Variants in SHF observed in about 807,000 individuals in gnomAD.
The protein encoded by SHF is Src homology 2 domain containing F.
A neutral mutation model predicts 42.4 loss-of-function variants in SHF; 30 were observed. The observed-to-expected ratio is 0.71, with a 90% CI of 0.53 to 0.96. SHF has a LOEUF of 0.96. Ranked by LOEUF, SHF falls within the 40% of genes least tolerant of loss-of-function variation. SHF has a pLI of 0.00. For missense variants in SHF, 598 were observed against 634.0 expected, an observed-to-expected ratio of 0.94 and a Z score of 0.61; for synonymous variants, 264 against 269.9, an observed-to-expected ratio of 0.98 and a Z score of 0.21.
chr15:45,172,373 C>T, intron 4 of SHF, 55 bp from the exon 5 acceptor site: 1 of 1,493,450 alleles, frequency 6.7e-7, no homozygotes, highest in Non-Finnish European at 8.9e-7. Context: ...CCTCAGAGGT[C>T]CCTATTGAAT....
intron 1 of SHF, among the ~76,000 whole-genome samples, chr15:45,180,861 A>G (rs1898088584): frequency 6.6e-6 from 1 of 152,246 alleles, no homozygotes; most frequent in Non-Finnish European, 1.5e-5. Context: ...CTCCATTCAC[A>G]TAAAACAGGA....
chr15:45,195,230 C>A (rs896721399), intron 2 of SHF, among the ~76,000 whole-genome samples: 10 of 152,346 alleles, frequency 6.6e-5, no homozygotes, highest in Admixed American at 6.5e-4. Flanking sequence ...TATTTCCAAT[C>A]TCCCTTTTTC....
chr15:45,177,980 C>T (rs1262735289), intron 2 of SHF, among the ~76,000 whole-genome samples, 185 bp downstream of exon 2: 1 of 152,198 alleles, frequency 6.6e-6, no homozygotes, highest in Non-Finnish European at 1.5e-5. Context: ...CTTCAGGTCT[C>T]ACAGGTCACA....
At chr15:45,178,947 A>C (rs1425638347) in intron 1 of SHF, among the ~76,000 whole-genome samples, 1 of 152,248 alleles carries the variant, frequency 6.6e-6, no homozygotes, top group Non-Finnish European at 1.5e-5. Context: ...TCCAAGCAGG[A>C]CCATAGCTTA....
Position 45,171,966 on chromosome 15 carries a change from C to T in SHF, c.1197G>A (p.Glu399=). 6.2e-7 allele frequency: 1 copy of T among 1,613,970 alleles called. No individual in the cohort carries two copies. Among genetic ancestry groups the T allele is most frequent in the Non-Finnish European group, 8.5e-7 (1 of 1,179,884 alleles). Residue 399 remains glutamate (E), a synonymous_variant, in exon 6 of 7, where the codon GAG becomes GAA. Coordinates refer to ENST00000690270, the MANE Select transcript of SHF (RefSeq NM_001394037.1). ...YHGAISRTDA[E]NLLRLCKEAS... ...CCTCTTTGCACAGCCGGAGCAGGTT[C>T]TCGGCGTCGGTTCGGCTGATGGCCC...
chr15:45,177,898 G>A (rs985085722), intron 2 of SHF, among the ~76,000 whole-genome samples: 14 of 152,096 alleles, frequency 9.2e-5, no homozygotes, highest in African/African-American at 3.4e-4. Context: ...GATCCTCCCA[G>A]CCCTCACCAC....
rs1898515111 is a variant in SHF at position 45,187,721 on chromosome 15, G to C, written c.231C>G (p.Arg77=). Residue 77 remains arginine (R), a synonymous_variant, in exon 1 of 7, where the codon CGC becomes CGG. Coordinates refer to ENST00000690270, the MANE Select transcript of SHF (RefSeq NM_001394037.1). ...SKPAPPEPDY[R]PPAPSPAAPP... ...GCGCGGCCGGAGAGGGCGCAGGGGG[G>C]CGGTAGTCGGGCTCGGGGGGCGCCG... The C allele has an allele frequency of 3.7e-6, 4 of 1,069,212 alleles. No individual in the cohort carries two copies. The highest frequency in any genetic ancestry group is 4.7e-6 in the Non-Finnish European group (4 of 842,358). 66.2% of individuals were successfully genotyped at this position (1,069,212 alleles called of 1,614,324 possible). A position where few individuals can be genotyped will look rare whatever the true frequency, so the allele number is the denominator to read the frequency against.
At chr15:45,182,516 T>C (rs1898181969) in intron 1 of SHF, among the ~76,000 whole-genome samples, 1 of 152,236 alleles carries the variant, frequency 6.6e-6, no homozygotes, top group Admixed American at 6.5e-5. Context: ...AGAGTTTAGA[T>C]GCTTGTCCAG....
At chr15:45,180,180 A>G (rs1898053283) in intron 1 of SHF, among the ~76,000 whole-genome samples, 1 of 152,184 alleles carries the variant, frequency 6.6e-6, no homozygotes, top group Non-Finnish European at 1.5e-5. Flanking sequence ...TTCCAGCTCC[A>G]GTAAGCACCT....
chr15:45,180,784 T>G (rs1195820287), intron 1 of SHF, among the ~76,000 whole-genome samples: 1 of 152,196 alleles, frequency 6.6e-6, no homozygotes, highest in African/African-American at 2.4e-5. Context: ...GTTCCATGTC[T>G]TCCTGCAGAC....
upstream of SHF, among the ~76,000 whole-genome samples, chr15:45,189,641 G>A (rs1595642990): frequency 6.6e-6 from 1 of 151,900 alleles, no homozygotes; most frequent in African/African-American, 2.4e-5. Context: ...TCCCCACCTC[G>A]GCCTTCCAAA....
chr15:45,178,022 T>C (rs1897916004), intron 2 of SHF, 143 bp downstream of exon 2: 19 of 1,148,590 alleles, frequency 1.7e-5, no homozygotes, highest in Admixed American at 5.4e-5. Flanking sequence ...TGAAAGGCAA[T>C]GACCATCCTC....
chr15:45,187,621 C>T lies in SHF; in HGVS notation c.331G>A (p.Gly111Arg), dbSNP rs1898505277. 4.1e-6 allele frequency: 5 copies of T among 1,229,610 alleles called. No homozygotes were observed. The highest frequency in any genetic ancestry group is 8.2e-5 in the South Asian group (2 of 24,282). 76.2% of individuals were successfully genotyped at this position (1,229,610 alleles called of 1,614,324 possible). Reference protein sequence around the residue: ...RERDFEDPYSGGSSGSAALAT... With the variant: ...RERDFEDPYSRGSSGSAALAT... ...AGGGCGGCGGAGCCGGACGACCCCC[C>T]GGAGTAGGGGTCTTCGAAGTCGCGC... The change falls in exon 1 of 7, where the codon GGG becomes AGG. Residue 111 changes from glycine to arginine, a missense_variant. By Grantham distance (125) the Gly-to-Arg change is moderately radical (BLOSUM62 -2). Coordinates refer to ENST00000690270, the MANE Select transcript of SHF (RefSeq NM_001394037.1).
At chr15:45,195,012 T>G (rs1898824425) in intron 2 of SHF, among the ~76,000 whole-genome samples, 1 of 151,944 alleles carries the variant, frequency 6.6e-6, no homozygotes, top group African/African-American at 2.4e-5. Flanking sequence ...TGATTTTTTT[T>G]GCAGAGATGA....
intron 1 of SHF, among the ~76,000 whole-genome samples, chr15:45,178,534 CTT>C (rs3067019): frequency 1.0e-4 from 13 of 126,574 alleles, no homozygotes; most frequent in Middle Eastern, 4.3e-3. Context: ...TTCCTTCTTT[CTT>C]TTTTTTTTTT....
In SHF at chr15:45,178,278, G is replaced by C; in HGVS notation, c.527C>G (p.Pro176Arg). 3 of 1,613,960 alleles carry C rather than the reference G, an allele frequency of 1.9e-6. No homozygotes were observed. Among genetic ancestry groups the C allele is most frequent in the African/African-American group, 1.3e-5 (1 of 75,048 alleles). ...RLAILEDYAD[P>R]FDVQETGEGS... ...TTCGCCAGTCTCCTGAACATCAAAC[G>C]GGTCCGCATAGTCTTCTAGGATAGC... The change falls in exon 2 of 7, where the codon CCG becomes CGG. Residue 176 changes from proline (P) to arginine (R), a missense_variant. Physicochemically the swap from Pro to Arg is moderately radical, Grantham distance 103. Transcript: ENST00000690270.
upstream of SHF, among the ~76,000 whole-genome samples, chr15:45,192,721 C>T (rs1898745104): frequency 6.6e-6 from 1 of 152,076 alleles, no homozygotes; most frequent in Non-Finnish European, 1.5e-5. Context: ...TGTTATGTTC[C>T]TTTAGTCTAT....
chr15:45,170,504 A>G, intron 6 of SHF: 1 of 1,209,192 alleles, frequency 8.3e-7, no homozygotes, highest in East Asian at 5.7e-5. Context: ...GCGATAATCT[A>G]TCAACTCATT....
Position 45,173,569 on chromosome 15 carries a change from G to A in SHF, c.988+7C>T, listed in dbSNP as rs1251220778. On this transcript the variant is annotated splice_region_variant and intron_variant, in intron 4 of 6. Transcript: ENST00000690270. The stretch of plus-strand genomic sequence containing the variant: ...GTCACCCTGGCCAGAAGCCCCCCAG[G>A]ACCCACCGCTGCTGTCCTCCAGGCT... The A allele has an allele frequency of 2.0e-6, 3 of 1,508,958 alleles. No homozygotes were observed. The highest frequency in any genetic ancestry group is 2.7e-6 in the Non-Finnish European group (3 of 1,127,912). 93.5% of individuals were successfully genotyped at this position (1,508,958 alleles called of 1,614,324 possible).
Sources: gnomAD v4.1 joint callset for allele counts (sites outside exome capture counted in the v4.1 genomes callset) on GRCh38, gnomAD v4.1.1 for gene constraint, MANE v1.5 for transcripts, NCBI Gene and HGNC (gene_info 2026-07-23, HGNC 2026-07-21) for gene names.